Variants in LINGO2 observed in about 807,000 individuals in gnomAD.
The protein encoded by LINGO2 is leucine rich repeat and Ig domain containing 2.
A neutral mutation model predicts 30.6 loss-of-function variants in LINGO2; 14 were observed. The ratio of observed to expected loss-of-function variants is 0.46; its 90% CI spans 0.30 to 0.72. The LOEUF is 0.72. Among genes scored for constraint, LINGO2 ranks in the 30% least tolerant of loss-of-function variants. LINGO2 has a pLI of 0.07. For synonymous variants in LINGO2, 317 were observed against 288.5 expected, an observed-to-expected ratio of 1.10 and a Z score of -1.00; for missense variants, 729 against 751.7, an observed-to-expected ratio of 0.97 and a Z score of 0.35.
the LINGO2 span, among the ~76,000 whole-genome samples, chr9:28,808,317 A>C: frequency 6.6e-6 from 1 of 152,214 alleles, no homozygotes; most frequent in Admixed American, 6.5e-5. Context: ...AGAAATCTTA[A>C]ACTGATTTCA....
chr9:28,965,810 G>GA, the LINGO2 span, among the ~76,000 whole-genome samples: 14 of 152,020 alleles, frequency 9.2e-5, no homozygotes, highest in African/African-American at 3.1e-4. Flanking sequence ...CTATATAAAA[G>GA]AAATAGAGAA....
intron 1 of LINGO2, among the ~76,000 whole-genome samples, chr9:28,584,136 T>A (rs1196410542): frequency 6.6e-6 from 1 of 152,034 alleles, no homozygotes; most frequent in Non-Finnish European, 1.5e-5. Context: ...GGTGTTTTGT[T>A]ACAGTAGCGA....
At position 28,333,577 on chromosome 9, in the gene LINGO2, G is replaced by T. The variant is rs1261960319; in HGVS notation, c.-245-38211C>A. ...ACTTAGTTTTCAAAATACCTCAAATGAAAAATGTACATTGTTATTCAGGAA... is the reference window on the plus strand; with the variant it reads ...ACTTAGTTTTCAAAATACCTCAAATTAAAAATGTACATTGTTATTCAGGAA... On this transcript the variant is annotated intron_variant, in intron 3 of 5. Coordinates refer to ENST00000379992, the Ensembl canonical transcript of LINGO2. Among the ~76,000 whole-genome samples the T allele has an allele frequency of 2.0e-5, 3 of 152,022 alleles. No individual in the cohort carries two copies. In the East Asian group the frequency reaches 5.8e-4, roughly 29 times the overall value.
chr9:28,909,441 T>C, the LINGO2 span, among the ~76,000 whole-genome samples: 1 of 151,958 alleles, frequency 6.6e-6, no homozygotes, highest in Non-Finnish European at 1.5e-5. Context: ...ACATTAGTAA[T>C]AGGTTTTTTA....
At chr9:28,356,697 A>T (rs746360499) in intron 3 of LINGO2, among the ~76,000 whole-genome samples, 5 of 152,150 alleles carry the variant, frequency 3.3e-5, no homozygotes, top group Non-Finnish European at 7.4e-5. Flanking sequence ...CTAAATGATA[A>T]TCACCTGGTC....
chr9:28,575,383 A>G (rs1413336380), intron 1 of LINGO2, among the ~76,000 whole-genome samples: 1 of 145,216 alleles, frequency 6.9e-6, no homozygotes, highest in African/African-American at 2.5e-5. Context: ...CGGGTGACAG[A>G]CAGACTCCGT....
intron 4 of LINGO2, among the ~76,000 whole-genome samples, chr9:28,036,661 C>T (rs1052217295): frequency 6.6e-6 from 1 of 152,134 alleles, no homozygotes; most frequent in Admixed American, 6.5e-5. Flanking sequence ...TGCAACCTAA[C>T]CTGAGTTGAC....
At chr9:28,906,217 A>T in the LINGO2 span, among the ~76,000 whole-genome samples, 1 of 151,970 alleles carries the variant, frequency 6.6e-6, no homozygotes, top group Non-Finnish European at 1.5e-5. Flanking sequence ...GAATAATTTC[A>T]AGATATTTAT....
intron 4 of LINGO2, among the ~76,000 whole-genome samples, chr9:28,167,550 C>A (rs1046090653): frequency 3.9e-5 from 6 of 151,994 alleles, no homozygotes; most frequent in Non-Finnish European, 8.8e-5. Flanking sequence ...CCAGCTAATT[C>A]TTTTTTTGTT....
chr9:29,058,444 G>T, the LINGO2 span, among the ~76,000 whole-genome samples: 1 of 151,822 alleles, frequency 6.6e-6, no homozygotes, highest in Admixed American at 6.6e-5. Flanking sequence ...TACATAAATG[G>T]CCTATGAAAA....
chr9:28,856,993 T>C, the LINGO2 span, among the ~76,000 whole-genome samples: 25 of 152,078 alleles, frequency 1.6e-4, no homozygotes, highest in African/African-American at 6.0e-4. Flanking sequence ...TTGATTCTTG[T>C]CAGAGAAAAT....
At chr9:28,453,703 G>T (rs1824735905) in intron 2 of LINGO2, among the ~76,000 whole-genome samples, 1 of 151,920 alleles carries the variant, frequency 6.6e-6, no homozygotes, top group Non-Finnish European at 1.5e-5. Context: ...GAATATAAAT[G>T]TATGTTGAGC....
At chr9:28,710,640 C>T in the LINGO2 span, among the ~76,000 whole-genome samples, 9 of 152,086 alleles carry the variant, frequency 5.9e-5, no homozygotes, top group South Asian at 1.9e-3. Flanking sequence ...TTCTAAATTT[C>T]ACTGGTTATC....
chr9:28,613,218 T>C (rs1332517838), intron 1 of LINGO2, among the ~76,000 whole-genome samples: 1 of 152,118 alleles, frequency 6.6e-6, no homozygotes, highest in Admixed American at 6.6e-5. Context: ...AGTTTGAAAA[T>C]GGACTAATAC....
At chr9:28,957,542 G>A in the LINGO2 span, among the ~76,000 whole-genome samples, 1 of 152,076 alleles carries the variant, frequency 6.6e-6, no homozygotes, top group African/African-American at 2.4e-5. Flanking sequence ...TCTCTTAAAG[G>A]TGAGGCTTCA....
the LINGO2 span, among the ~76,000 whole-genome samples, chr9:28,774,368 AT>A: frequency 1.3e-5 from 2 of 151,944 alleles, no homozygotes; most frequent in South Asian, 2.1e-4. Context: ...TGTTAGTTGA[AT>A]TTTTTTTGGC....
chr9:29,142,663 A>C, the LINGO2 span, among the ~76,000 whole-genome samples: 1 of 151,944 alleles, frequency 6.6e-6, no homozygotes, highest in Non-Finnish European at 1.5e-5. Context: ...TAAAGGCCAT[A>C]TATGAAAATC....
intron 1 of LINGO2, among the ~76,000 whole-genome samples, chr9:28,500,901 A>C (rs1372793234): frequency 1.3e-5 from 2 of 152,160 alleles, no homozygotes; most frequent in African/African-American, 4.8e-5. Flanking sequence ...AATGAATATT[A>C]AATTAGTCTA....
chr9:29,182,772 C>T, the LINGO2 span, among the ~76,000 whole-genome samples: 1 of 151,610 alleles, frequency 6.6e-6, no homozygotes, highest in African/African-American at 2.4e-5. Context: ...AGTAACATGG[C>T]ATCAGAAGAC....
Sources: gnomAD v4.1 joint callset for allele counts (sites outside exome capture counted in the v4.1 genomes callset) on GRCh38, gnomAD v4.1.1 for gene constraint, MANE v1.5 for transcripts, NCBI Gene and HGNC (gene_info 2026-07-23, HGNC 2026-07-21) for gene names.